The following GPR19 variants were observed in gnomAD, a reference collection of about 807,000 sequenced individuals.
GPR19 encodes the protein probable G protein-coupled receptor 19.
A neutral mutation model predicts 28.5 loss-of-function variants in GPR19; 14 were observed. The observed-to-expected ratio is 0.49, with a 90% CI of 0.32 to 0.77. The LOEUF (loss-of-function observed/expected upper bound fraction) is 0.77, where lower values mean the gene tolerates loss of function less well. Ranked by LOEUF, GPR19 falls within the 30% of genes least tolerant of loss-of-function variation. The probability of loss-of-function intolerance (pLI) is 0.03; values close to 1 mark genes in which losing one functional copy is unlikely to be tolerated. For synonymous variants in GPR19, 173 were observed against 184.1 expected (o/e 0.94, Z 0.49); for missense variants, 409 against 504.1 (o/e 0.81, Z 1.81).
chr12:12,697,153 T>TAAAAAAAAAAAAAAAAAAAAAAAA (rs386375639), upstream of GPR19, among the ~76,000 whole-genome samples: 7 of 48,848 alleles, frequency 1.4e-4, 2 homozygotes, highest in Non-Finnish European at 1.8e-4. Flanking sequence ...TGAAGCGAAG[T>TAAAAAAAAAAAAAAAAAAAAAAAA]AAAAAAAAAA....
At chr12:12,699,428 A>G (rs990584814), upstream of GPR19, among the ~76,000 whole-genome samples, 2 of 151,808 alleles carry the variant, frequency 1.3e-5, no homozygotes, top group African/African-American at 4.9e-5. Flanking sequence ...AATTTTGCTT[A>G]CTTTTAGCTC....
At chr12:12,712,051 A>G in the GPR19 span, among the ~76,000 whole-genome samples, 2 of 152,202 alleles carry the variant, frequency 1.3e-5, no homozygotes, top group African/African-American at 4.8e-5. Flanking sequence ...TGCTTGTCCA[A>G]GACAGCCTGG....
At chr12:12,684,569 G>C (rs1286432025) in intron 2 of GPR19, 62 bp from the exon 3 acceptor site, 1 of 152,084 alleles carries the variant, frequency 6.6e-6, no homozygotes, top group African/African-American at 2.4e-5. Context: ...CCCGCCCCCA[G>C]CCCCACTCTC....
chr12:12,703,695 A>G, the GPR19 span, among the ~76,000 whole-genome samples: 1 of 152,148 alleles, frequency 6.6e-6, no homozygotes, highest in Non-Finnish European at 1.5e-5. Context: ...AGGCCCCATC[A>G]TAAACCATAG....
intron 2 of GPR19, among the ~76,000 whole-genome samples, chr12:12,692,807 C>A (rs897883898): frequency 6.6e-6 from 1 of 151,926 alleles, no homozygotes; most frequent in Non-Finnish European, 1.5e-5. Flanking sequence ...GAAACTGAAG[C>A]ATTACTTGTC....
chr12:12,709,467 G>C, the GPR19 span, among the ~76,000 whole-genome samples: 442 of 152,262 alleles, frequency 2.9e-3, 3 homozygotes, highest in Non-Finnish European at 4.3e-3. Context: ...TTGAGACAGG[G>C]TCTCACTCTG....
the GPR19 span, chr12:12,703,496 A>G: frequency 1.1e-5 from 10 of 884,798 alleles, no homozygotes; most frequent in Admixed American, 3.1e-4. Flanking sequence ...AATTCTAGAC[A>G]TCTTTGCCAT....
At chr12:12,692,861 A>G (rs984983549) in intron 2 of GPR19, among the ~76,000 whole-genome samples, 10 of 152,216 alleles carry the variant, frequency 6.6e-5, no homozygotes, top group Middle Eastern at 3.2e-3. Flanking sequence ...AAAACCTTTA[A>G]AGACAGAGAC....
In GPR19 at chr12:12,662,013, A is replaced by G; in HGVS notation, c.436T>C (p.Tyr146His). Reference protein sequence around the residue: ...ATCKVVRYFQYLTPGVQIYVL... With the variant: ...ATCKVVRYFQHLTPGVQIYVL... The stretch of plus-strand genomic sequence containing the variant: ...TAGATCTGGACACCTGGAGTGAGAT[A>G]TTGAAAATATCGCACAACCTTGCAC... Residue 146 changes from tyrosine to histidine, a missense_variant, in exon 4 of 4, where the codon TAT becomes CAT. Tyr to His is a moderately conservative substitution (Grantham distance 83, BLOSUM62 2). Transcript: ENST00000651487. The G allele has an allele frequency of 6.2e-7, 1 of 1,614,256 alleles. No homozygotes were observed. The highest frequency in any genetic ancestry group is 8.5e-7 in the Non-Finnish European group (1 of 1,180,036).
the GPR19 span, chr12:12,716,853 C>T: frequency 0.046 from 44,785 of 983,926 alleles, 1,395 homozygotes; most frequent in African/African-American, 0.14. Context: ...GGCGCCCAGC[C>T]CCCCCAGCAA....
chr12:12,668,016 C>T (rs1051354422), intron 3 of GPR19, among the ~76,000 whole-genome samples: 1 of 152,158 alleles, frequency 6.6e-6, no homozygotes, highest in Admixed American at 6.5e-5. Context: ...AAATGGGCCT[C>T]TCTCTCTGGG....
chr12:12,664,462 TAAGA>T (rs895182594), intron 3 of GPR19, among the ~76,000 whole-genome samples: 5 of 151,968 alleles, frequency 3.3e-5, no homozygotes, highest in African/African-American at 1.2e-4. Context: ...CAACCTTACT[TAAGA>T]AAGCTTAAGT....
rs184358266 is a variant in GPR19 at position 12,661,153 on chromosome 12, G to A, written c.*48C>T. ...TATGTAAATAGCTTCTGTTTTTATA[G>A]TTAAAGCTTTTTAATCTCTGGTGCA... On this transcript the variant is annotated 3_prime_UTR_variant, in exon 4 of 4. Coordinates refer to ENST00000651487, the MANE Select transcript of GPR19 (RefSeq NM_006143.3). This position sits in a 1 kb window ranked among gnomAD's most constrained non-coding sequence, Gnocchi z 4.2. The A allele has an allele frequency of 2.5e-3, 3,327 of 1,328,878 alleles. 10 individuals are homozygous for A. Among genetic ancestry groups the A allele is most frequent in the Non-Finnish European group, 3.2e-3 (3,103 of 964,332 alleles). 82.3% of individuals were successfully genotyped at this position (1,328,878 alleles called of 1,614,324 possible).
the GPR19 span, among the ~76,000 whole-genome samples, chr12:12,707,989 CTTTTTTTTTTTTTTTTTT>C: frequency 3.2e-5 from 2 of 62,442 alleles, no homozygotes; most frequent in African/African-American, 5.7e-5. Context: ...ATTTCCTATT[CTTTTTTTTTTTTTTTTTT>C]TTTTTTTTTT....
chr12:12,663,457 T>C (rs2136317441), intron 3 of GPR19, among the ~76,000 whole-genome samples: 1 of 151,856 alleles, frequency 6.6e-6, no homozygotes, highest in South Asian at 2.1e-4. Context: ...TTAAAATTAC[T>C]AAGCACTTTT....
Position 12,679,686 on chromosome 12 carries a change from T to C in GPR19, c.-23+4665A>G, listed in dbSNP as rs550447884. On this transcript the variant is annotated intron_variant, in intron 3 of 3. Coordinates refer to ENST00000651487, the MANE Select transcript of GPR19 (RefSeq NM_006143.3). Reference sequence around the variant, plus strand: ...AAAAAAAAAGCCCAAAACACTACAATGACAAGGACATTCCCCGACCCCCAC... The same window carrying C: ...AAAAAAAAAGCCCAAAACACTACAACGACAAGGACATTCCCCGACCCCCAC... 1.6e-4 allele frequency among the ~76,000 whole-genome samples: 24 copies of C among 147,354 alleles called. 1 individual carries two copies. In the South Asian group the frequency reaches 4.9e-3, roughly 30 times the overall value.
the GPR19 span, among the ~76,000 whole-genome samples, chr12:12,714,637 C>A: frequency 1.3e-5 from 2 of 152,150 alleles, no homozygotes; most frequent in African/African-American, 4.8e-5. Flanking sequence ...CAGTGTAGAG[C>A]TTTCCGTCTT....
At chr12:12,697,953 GA>G (rs959450902), upstream of GPR19, among the ~76,000 whole-genome samples, 18 of 148,974 alleles carry the variant, frequency 1.2e-4, no homozygotes, top group Admixed American at 2.0e-4. Context: ...TCATCATGAA[GA>G]AAAAAAAAAT....
At chr12:12,676,130 A>G (rs574155860) in intron 3 of GPR19, among the ~76,000 whole-genome samples, 2 of 152,218 alleles carry the variant, frequency 1.3e-5, no homozygotes, top group African/African-American at 4.8e-5. Context: ...TAAAGAGTAT[A>G]GTGCTTTCTA....
Sources: allele counts gnomAD v4.1 joint callset (sites outside exome capture counted in the v4.1 genomes callset), GRCh38; gene constraint gnomAD v4.1.1; non-coding constraint Gnocchi (gnomAD v3.1); transcripts MANE v1.5; gene names NCBI Gene and HGNC (gene_info 2026-07-23, HGNC 2026-07-21).